Variants in TJP3 observed in about 807,000 individuals in gnomAD.
The protein encoded by TJP3 is tight junction protein 3, also known as tight junction protein ZO-3.
Under a neutral mutation model 104.2 loss-of-function variants are expected in TJP3, and 85 were observed. The ratio of observed to expected loss-of-function variants is 0.82; its 90% CI spans 0.68 to 0.98. The LOEUF (loss-of-function observed/expected upper bound fraction) is 0.98. TJP3 is among the 50% of genes least tolerant of loss of function. The pLI, the probability that TJP3 is intolerant of heterozygous loss-of-function variation, is 0.00. For missense variants in TJP3, 1,367 were observed against 1,322.8 expected, an observed-to-expected ratio of 1.03 and a Z score of -0.52; for synonymous variants, 550 against 550.6, an observed-to-expected ratio of 1.00 and a Z score of 0.02.
chr19:3,747,233 G>T (rs1350186761), intron 18 of TJP3, among the ~76,000 whole-genome samples: 1 of 151,946 alleles, frequency 6.6e-6, no homozygotes, highest in Non-Finnish European at 1.5e-5. Context: ...GCTAATTTTT[G>T]TATTTTTAGC....
chr19:3,730,742 TG>T lies in TJP3; in HGVS notation c.613+38del. 6.4e-7 allele frequency: 1 copy of T among 1,567,052 alleles called. No homozygotes were observed. The highest frequency in any genetic ancestry group is 8.6e-7 in the Non-Finnish European group (1 of 1,159,068). ...GCGGGAGGTCGGACACGATCAGTAC[TG>T]GACACAGGGCACCGTGGTCGGATGG... On this transcript the variant is annotated intron_variant, in intron 5 of 20. Coordinates refer to ENST00000541714, the MANE Select transcript of TJP3 (RefSeq NM_001267560.2). This position sits in a 1 kb window ranked among gnomAD's most constrained non-coding sequence, Gnocchi z 7.3.
chr19:3,750,526 T>G, intron 20 of TJP3, 56 bp from the exon 21 acceptor site: 1 of 1,450,574 alleles, frequency 6.9e-7, no homozygotes, highest in Non-Finnish European at 9.5e-7. Context: ...CAGTTTATGG[T>G]GAGAAAGCTC....
At chr19:3,724,248 T>C (rs1035098790) in intron 1 of TJP3, among the ~76,000 whole-genome samples, 5 of 151,620 alleles carry the variant, frequency 3.3e-5, no homozygotes, top group East Asian at 1.9e-4. Context: ...CAGGCTGGAG[T>C]GCAGTGGCAC....
Position 3,732,154 on chromosome 19 carries a change from G to T in TJP3, c.717+116G>T, listed in dbSNP as rs1053970987. 13 of 775,426 alleles carry T rather than the reference G, an allele frequency of 1.7e-5. No homozygotes were observed. In the East Asian group the frequency reaches 1.8e-4, roughly 11 times the overall value. The allele number at this position is 775,426 out of a possible 1,614,324, so 48.0% of individuals were successfully genotyped here. A position where few individuals can be genotyped will look rare whatever the true frequency, so the allele number is the denominator to read the frequency against. On this transcript the variant is annotated intron_variant, in intron 6 of 20. Transcript: ENST00000541714. ...CTGGGCCCCAAAGCATTTACCTTCA[G>T]TGTTGTTGCTTGTATCTCAAAGGTT...
chr19:3,746,977 G>C lies in TJP3; in HGVS notation c.2322+101G>C. The C allele has an allele frequency of 8.5e-7, 1 of 1,178,400 alleles. No individual in the cohort carries two copies. Among genetic ancestry groups the C allele is most frequent in the Non-Finnish European group, 1.2e-6 (1 of 821,318 alleles). 73.0% of individuals were successfully genotyped at this position (1,178,400 alleles called of 1,614,324 possible). A position where few individuals can be genotyped will look rare whatever the true frequency, so the allele number is the denominator to read the frequency against. On this transcript the variant is annotated intron_variant, in intron 18 of 20. Coordinates refer to ENST00000541714, the MANE Select transcript of TJP3 (RefSeq NM_001267560.2). This position sits in a 1 kb window ranked among gnomAD's most constrained non-coding sequence, Gnocchi z 4.1. ...TCTGTCGGGAGTTAGGGCTTGGTCA[G>C]GGATCAGGACTGTGGCCAGAGTCAA... is the stretch of plus-strand genomic sequence containing the variant.
In TJP3 at chr19:3,730,423, G is replaced by A. The variant is rs757545761; in HGVS notation, c.330G>A (p.Gln110=). The A allele has an allele frequency of 2.5e-6, 4 of 1,590,928 alleles. No individual in the cohort carries two copies. The highest frequency in any genetic ancestry group is 1.1e-5 in the South Asian group (1 of 88,160). ...TKASPSSPGR[Q]DSDEDDGPQR... ...CCAGCCCCTCCAGCCCAGGGCGCCA[G>A]GACTCGGATGAAGACGATGGGCCCC... The change falls in exon 5 of 21, where the codon CAG becomes CAA. Residue 110 remains glutamine, a synonymous_variant. Transcript: ENST00000541714. This position sits in a 1 kb window ranked among gnomAD's most constrained non-coding sequence, Gnocchi z 7.3.
At chr19:3,731,634 G>A (rs1049415435) in intron 5 of TJP3, among the ~76,000 whole-genome samples, 1 of 151,512 alleles carries the variant, frequency 6.6e-6, no homozygotes, top group African/African-American at 2.4e-5. Context: ...ACTCCTTCTC[G>A]AAAAAAATTA....
In TJP3 at chr19:3,718,335, G is replaced by A. The variant is rs1328861794; in HGVS notation, c.-10+9774G>A. Among the ~76,000 whole-genome samples the A allele has an allele frequency of 2.7e-5, 4 of 149,568 alleles. No individual in the cohort carries two copies. In the South Asian group the frequency reaches 6.4e-4, roughly 24 times the overall value. ...TGGCCTCAAGAGATCCTCCCGCCTC[G>A]GCCTTCCAAAGTGCTGGGACTACAA... On this transcript the variant is annotated intron_variant, in intron 1 of 20. Transcript: ENST00000541714.
At chr19:3,717,254 C>A (rs1471905238) in intron 1 of TJP3, among the ~76,000 whole-genome samples, 5 of 145,616 alleles carry the variant, frequency 3.4e-5, no homozygotes. Context: ...CACGAGCCAC[C>A]ACGCCTGGCC....
intron 1 of TJP3, among the ~76,000 whole-genome samples, chr19:3,718,162 C>T (rs1380887986): frequency 3.9e-5 from 5 of 128,048 alleles, no homozygotes; most frequent in East Asian, 4.6e-4. Flanking sequence ...GCTGAGATTG[C>T]GCCTGGGCAA....
intron 13 of TJP3, among the ~76,000 whole-genome samples, chr19:3,739,801 C>G (rs756337592): frequency 3.9e-5 from 6 of 152,108 alleles, no homozygotes; most frequent in Non-Finnish European, 5.9e-5. Flanking sequence ...CCCCTTCCTC[C>G]CCCTTCATAG....
At chr19:3,714,874 T>C (rs995248213) in intron 1 of TJP3, among the ~76,000 whole-genome samples, 2 of 152,162 alleles carry the variant, frequency 1.3e-5, no homozygotes, top group Non-Finnish European at 2.9e-5. Flanking sequence ...CAGATCACAC[T>C]GGCCCTGAAC....
rs113710540 is a variant in TJP3, at chr19:3,747,671, GAGGCTCC to G, written c.2323-108_2323-102del. 11,881 of 1,245,538 alleles carry G rather than the reference GAGGCTCC, an allele frequency of 9.5e-3. 842 individuals carry two copies. The African/African-American group carries it at 0.16, about 16-fold the overall frequency. 77.2% of individuals were successfully genotyped at this position (1,245,538 alleles called of 1,614,324 possible). The stretch of plus-strand genomic sequence containing the variant: ...TGGAGTCAACAGAGAAGCCTCCACT[GAGGCTCC>G]AGGCTCCAGGCTCCTCGCCTTGATT... On this transcript the variant is annotated intron_variant, in intron 18 of 20. Transcript: ENST00000541714.
chr19:3,739,511 G>C (rs1288557925), intron 13 of TJP3, among the ~76,000 whole-genome samples: 2 of 152,150 alleles, frequency 1.3e-5, no homozygotes, highest in Non-Finnish European at 2.9e-5. Flanking sequence ...AAATAGGCAT[G>C]ATATCACTGC....
At chr19:3,715,210 C>A (rs533573144) in intron 1 of TJP3, among the ~76,000 whole-genome samples, 5 of 152,024 alleles carry the variant, frequency 3.3e-5, no homozygotes, top group African/African-American at 1.2e-4. Flanking sequence ...CTGCCTCAGC[C>A]TCCCGAGTAG....
intron 1 of TJP3, among the ~76,000 whole-genome samples, chr19:3,709,790 G>C (rs1236309830): frequency 6.6e-6 from 1 of 152,104 alleles, no homozygotes; most frequent in Admixed American, 6.6e-5. Flanking sequence ...CAAACCCGTG[G>C]ACTCAGTTAG....
chr19:3,736,292 G>T lies in TJP3; in HGVS notation c.1255G>T (p.Gly419Cys). Residue 419 changes from glycine to cysteine, a missense_variant, in exon 11 of 21, where the codon GGC becomes TGC. Physicochemically the swap from Gly to Cys is radical, Grantham distance 159. Coordinates refer to ENST00000541714, the MANE Select transcript of TJP3 (RefSeq NM_001267560.2). ...GGCGGGCAGCCCGGCCGACGGGCAG[G>T]GCATCCAGGAGGGAGATCAGATTCT... ...VQAGSPADGQ[G>C]IQEGDQILQV... The T allele has an allele frequency of 6.5e-7, 1 of 1,539,988 alleles. No homozygotes were observed. The highest frequency in any genetic ancestry group is 2.3e-5 in the East Asian group (1 of 44,182).
At chr19:3,719,609 G>A (rs1448738935) in intron 1 of TJP3, among the ~76,000 whole-genome samples, 4 of 151,746 alleles carry the variant, frequency 2.6e-5, no homozygotes, top group Admixed American at 2.0e-4. Flanking sequence ...GGTGGCGGGT[G>A]CCTGTAGTCC....
chr19:3,747,285 T>G (rs868451346), intron 18 of TJP3, among the ~76,000 whole-genome samples: 2 of 152,030 alleles, frequency 1.3e-5, no homozygotes, highest in Non-Finnish European at 2.9e-5. Context: ...GGGCTCAAAC[T>G]CCTGACCTCA....
Sources: allele counts gnomAD v4.1 joint callset (sites outside exome capture counted in the v4.1 genomes callset), GRCh38; gene constraint gnomAD v4.1.1; non-coding constraint Gnocchi (gnomAD v3.1); transcripts MANE v1.5; gene names NCBI Gene and HGNC (gene_info 2026-07-23, HGNC 2026-07-21).